SMOC1: variants seen among roughly 807,000 people sequenced by gnomAD.
SMOC1 encodes SPARC-related modular calcium-binding protein 1.
Under a neutral mutation model 56.3 loss-of-function variants are expected in SMOC1, and 22 were observed. That is an observed-to-expected ratio of 0.39 (90% CI 0.28 to 0.56). The LOEUF (loss-of-function observed/expected upper bound fraction) is 0.56, where lower values mean the gene tolerates loss of function less well. Among genes scored for constraint, SMOC1 ranks in the 20% least tolerant of loss-of-function variants. SMOC1 has a pLI of 0.61. For missense variants in SMOC1, 509 were observed against 565.4 expected (o/e 0.90, Z 1.01); for synonymous variants, 193 against 215.0 (o/e 0.90, Z 0.89).
At chr14:69,880,776 C>T (rs1304279104) in intron 1 of SMOC1, among the ~76,000 whole-genome samples, 1 of 152,270 alleles carries the variant, frequency 6.6e-6, no homozygotes, top group Non-Finnish European at 1.5e-5. Flanking sequence ...AAGGTTGGCT[C>T]AACCAACTCG....
At position 69,972,936 on chromosome 14, in the gene SMOC1, G is replaced by A. The variant is rs1594831820; in HGVS notation, c.379-2779G>A. On this transcript the variant is annotated intron_variant, in intron 3 of 11. Transcript: ENST00000361956. ...GCCAGAGACACAGCCTCGGGCGATGGACTTGAGGGCACAGTCCTCATGGAG... is the reference window on the plus strand; with the variant it reads ...GCCAGAGACACAGCCTCGGGCGATGAACTTGAGGGCACAGTCCTCATGGAG... Among the ~76,000 whole-genome samples the A allele has an allele frequency of 2.6e-5, 4 of 152,332 alleles. No individual in the cohort carries two copies. The South Asian group carries it at 8.3e-4, about 32-fold the overall frequency.
chr14:70,010,961 C>T lies in SMOC1; in HGVS notation c.857+15C>T. On this transcript the variant is annotated intron_variant, in intron 8 of 11. Coordinates refer to ENST00000361956, the MANE Select transcript of SMOC1 (RefSeq NM_001034852.3). ...ACCTCCACACGGTAAGCCCCCCAGA[C>T]TGGGTCCTGGGAAAAACGCACCTGC... 9 of 1,611,814 alleles carry T rather than the reference C, an allele frequency of 5.6e-6. No individual in the cohort carries two copies. The highest frequency in any genetic ancestry group is 7.6e-6 in the Non-Finnish European group (9 of 1,179,890).
At chr14:69,957,501 C>T (rs927413) in intron 3 of SMOC1, among the ~76,000 whole-genome samples, 1 of 151,940 alleles carries the variant, frequency 6.6e-6, no homozygotes. Context: ...GCCTAATATC[C>T]AAGGCTGTGC....
In SMOC1 at chr14:69,925,933, C is replaced by G. The variant is rs750647111; in HGVS notation, c.100-26205C>G. 3.9e-5 allele frequency among the ~76,000 whole-genome samples: 6 copies of G among 152,248 alleles called. No individual in the cohort carries two copies. In the South Asian group the frequency reaches 1.2e-3, roughly 32 times the overall value. On this transcript the variant is annotated intron_variant, in intron 1 of 11. Transcript: ENST00000361956. The stretch of plus-strand genomic sequence containing the variant: ...CACATCTGGAGAAGACTGCGCACAC[C>G]CTGGAGAGGAGTCTTAGCTCTTCCT...
intron 1 of SMOC1, among the ~76,000 whole-genome samples, chr14:69,947,190 C>T (rs7145638): frequency 0.49 from 73,006 of 149,930 alleles, 18,851 homozygotes; most frequent in African/African-American, 0.66. Flanking sequence ...TCCTTTCTTT[C>T]CTTTCATTCT....
chr14:69,881,171 T>C lies in SMOC1; in HGVS notation c.99+1394T>C, dbSNP rs530562718. 4.3e-4 allele frequency among the ~76,000 whole-genome samples: 66 copies of C among 152,312 alleles called. No homozygotes were observed. The South Asian group carries it at 0.013, about 31-fold the overall frequency. ...GTAAGGGCTCCAGGAGTGACTTTTA[T>C]GGATGCAGATGAGGATGCCTTTTAA... On this transcript the variant is annotated intron_variant, in intron 1 of 11. Transcript: ENST00000361956.
At chr14:70,003,907 A>G (rs1273702055) in intron 7 of SMOC1, among the ~76,000 whole-genome samples, 1 of 152,148 alleles carries the variant, frequency 6.6e-6, no homozygotes, top group Non-Finnish European at 1.5e-5. Context: ...CACCCAGTAC[A>G]TATACAACCA....
chr14:69,918,080 A>G (rs1458410061), intron 1 of SMOC1, among the ~76,000 whole-genome samples: 1 of 152,230 alleles, frequency 6.6e-6, no homozygotes, highest in Non-Finnish European at 1.5e-5. Context: ...CAAGCTAATT[A>G]ACATATCTAT....
intron 3 of SMOC1, among the ~76,000 whole-genome samples, chr14:69,964,047 G>A (rs1883479096): frequency 1.3e-5 from 2 of 152,178 alleles, no homozygotes; most frequent in Non-Finnish European, 2.9e-5. Context: ...GCTCTGTCCT[G>A]CTCTTCAATG....
chr14:69,925,781 A>T (rs545221402), intron 1 of SMOC1, among the ~76,000 whole-genome samples: 1 of 152,230 alleles, frequency 6.6e-6, no homozygotes, highest in Non-Finnish European at 1.5e-5. Context: ...TAGACCAGGT[A>T]GTCTCCATCC....
At chr14:70,023,133 C>A in intron 10 of SMOC1, 70 bp from the exon 11 acceptor site, 1 of 1,611,078 alleles carries the variant, frequency 6.2e-7, no homozygotes, top group East Asian at 2.2e-5. Flanking sequence ...GGCAGTCATA[C>A]CAGGGCTGAT....
intron 7 of SMOC1, among the ~76,000 whole-genome samples, chr14:69,999,194 T>C (rs926480190): frequency 6.6e-6 from 1 of 152,228 alleles, no homozygotes; most frequent in Non-Finnish European, 1.5e-5. Context: ...GCTGCTCTTC[T>C]AGGCCTGCTT....
At chr14:70,010,648 G>A (rs959983387) in intron 7 of SMOC1, 106 bp from the exon 8 acceptor site, 1 of 1,205,294 alleles carries the variant, frequency 8.3e-7, no homozygotes, top group African/African-American at 1.5e-5. Context: ...ATCAGTTCCT[G>A]GGTCCAGGCC....
chr14:69,890,925 AG>A (rs1247507873), intron 1 of SMOC1, among the ~76,000 whole-genome samples: 1 of 152,260 alleles, frequency 6.6e-6, no homozygotes, highest in Non-Finnish European at 1.5e-5. Flanking sequence ...GACTGTTCAT[AG>A]CAGCATTTTC....
At chr14:69,984,894 T>C (rs1362035208) in intron 5 of SMOC1, among the ~76,000 whole-genome samples, 1 of 150,318 alleles carries the variant, frequency 6.7e-6, no homozygotes, top group Non-Finnish European at 1.5e-5. Context: ...AACAAAAAAT[T>C]AGCCAGGCAT....
chr14:69,885,563 A>G, intron 1 of SMOC1: 1 of 1,594,440 alleles, frequency 6.3e-7, no homozygotes, highest in East Asian at 2.2e-5. Context: ...CCTGTGGACT[A>G]GACGTCCCAG....
At chr14:69,972,882 A>G (rs1883819768) in intron 3 of SMOC1, among the ~76,000 whole-genome samples, 1 of 152,208 alleles carries the variant, frequency 6.6e-6, no homozygotes, top group Non-Finnish European at 1.5e-5. Flanking sequence ...GCTTAACTGC[A>G]GTGCCTGGCT....
chr14:69,996,095 A>G (rs888955884), intron 7 of SMOC1, among the ~76,000 whole-genome samples: 7 of 152,182 alleles, frequency 4.6e-5, no homozygotes, highest in African/African-American at 4.8e-5. Flanking sequence ...ATTATAACAT[A>G]CAGCACTTTT....
intron 3 of SMOC1, among the ~76,000 whole-genome samples, chr14:69,971,597 A>T (rs528044437): frequency 6.6e-6 from 1 of 152,312 alleles, no homozygotes; most frequent in East Asian, 1.9e-4. Context: ...TCTGAGATTA[A>T]GTCTAAAAGT....
Sources: allele counts gnomAD v4.1 joint callset (sites outside exome capture counted in the v4.1 genomes callset), GRCh38; gene constraint gnomAD v4.1.1; transcripts MANE v1.5; gene names NCBI Gene and HGNC (gene_info 2026-07-23, HGNC 2026-07-21).